Variants in NAALADL2 observed in about 807,000 individuals in gnomAD.
NAALADL2 encodes the protein inactive N-acetylated-alpha-linked acidic dipeptidase-like protein 2.
In NAALADL2, 76 loss-of-function variants were observed where a neutral mutation model predicts 87.2. The ratio of observed to expected loss-of-function variants is 0.87; its 90% CI spans 0.72 to 1.05. The LOEUF (loss-of-function observed/expected upper bound fraction) is 1.05, where lower values mean the gene tolerates loss of function less well. NAALADL2 is among the 50% of genes least tolerant of loss of function. The pLI, the probability that NAALADL2 is intolerant of heterozygous loss-of-function variation, is 0.00. For synonymous variants in NAALADL2, 354 were observed against 331.0 expected, an observed-to-expected ratio of 1.07 and a Z score of -0.75; for missense variants, 1,089 against 945.8, an observed-to-expected ratio of 1.15 and a Z score of -1.99.
At chr3:175,301,372 T>C (rs560429784) in intron 4 of NAALADL2, among the ~76,000 whole-genome samples, 2 of 152,264 alleles carry the variant, frequency 1.3e-5, no homozygotes, top group East Asian at 3.9e-4. Context: ...CATATATACC[T>C]ATGTAACAAA....
intron 2 of NAALADL2, among the ~76,000 whole-genome samples, chr3:174,691,024 G>A (rs539514057): frequency 2.2e-4 from 34 of 152,098 alleles, no homozygotes; most frequent in African/African-American, 6.5e-4. Flanking sequence ...CCTTCCCAAC[G>A]CATATAAAAG....
intron 2 of NAALADL2, among the ~76,000 whole-genome samples, chr3:174,648,120 G>A (rs986821253): frequency 6.6e-6 from 1 of 152,138 alleles, no homozygotes; most frequent in African/African-American, 2.4e-5. Flanking sequence ...TTCAGAGGGA[G>A]AGACCACATT....
At chr3:174,674,299 A>T (rs1022400137) in intron 2 of NAALADL2, among the ~76,000 whole-genome samples, 9 of 152,008 alleles carry the variant, frequency 5.9e-5, no homozygotes, top group Admixed American at 5.3e-4. Context: ...CTCCCTCCAG[A>T]CCCCACCTCC....
intron 1 of NAALADL2, among the ~76,000 whole-genome samples, chr3:175,069,804 C>T (rs1407195258): frequency 6.7e-6 from 1 of 150,362 alleles, no homozygotes; most frequent in Non-Finnish European, 1.5e-5. Flanking sequence ...AAATGTGGCA[C>T]ATATACACCA....
intron 1 of NAALADL2, among the ~76,000 whole-genome samples, chr3:174,911,411 G>C (rs1733687251): frequency 6.6e-6 from 1 of 152,120 alleles, no homozygotes; most frequent in Non-Finnish European, 1.5e-5. Flanking sequence ...AGTAAAAACT[G>C]TATACAGCAT....
intron 1 of NAALADL2, among the ~76,000 whole-genome samples, chr3:174,488,736 C>G (rs1718008508): frequency 6.6e-6 from 1 of 151,894 alleles, no homozygotes; most frequent in Non-Finnish European, 1.5e-5. Context: ...GTTTCACAAC[C>G]TCTATTGGAT....
intron 4 of NAALADL2, among the ~76,000 whole-genome samples, chr3:175,262,112 G>C (rs138796104): frequency 3.3e-5 from 5 of 152,174 alleles, no homozygotes; most frequent in Non-Finnish European, 5.9e-5. Flanking sequence ...TAGAGGTTTA[G>C]TGAGAAAATA....
chr3:175,471,575 A>G (rs1724890223), intron 8 of NAALADL2, 64 bp from the exon 9 acceptor site: 1 of 897,772 alleles, frequency 1.1e-6, no homozygotes, highest in Admixed American at 2.6e-5. Flanking sequence ...TTCAACATCT[A>G]ACTAATAAAG....
chr3:175,524,051 G>A (rs960349885), intron 9 of NAALADL2, among the ~76,000 whole-genome samples: 2 of 152,156 alleles, frequency 1.3e-5, no homozygotes, highest in East Asian at 1.9e-4. Context: ...GCTTTCTCTG[G>A]AAAGTGATTT....
At chr3:175,320,686 T>G (rs984662471) in intron 4 of NAALADL2, among the ~76,000 whole-genome samples, 1 of 152,174 alleles carries the variant, frequency 6.6e-6, no homozygotes, top group Admixed American at 6.5e-5. Flanking sequence ...ACAACAACTC[T>G]CCTTTTAAAA....
intron 2 of NAALADL2, among the ~76,000 whole-genome samples, chr3:174,711,439 A>C (rs763711068): frequency 8.5e-5 from 13 of 152,182 alleles, no homozygotes; most frequent in African/African-American, 1.7e-4. Flanking sequence ...CTTCCCACTT[A>C]CACTTCCACA....
chr3:174,571,407 G>T (rs141543521), intron 2 of NAALADL2, among the ~76,000 whole-genome samples: 4 of 151,586 alleles, frequency 2.6e-5, no homozygotes, highest in African/African-American at 7.3e-5. Flanking sequence ...ACAGAGTTTC[G>T]CTCTTTTTGC....
At chr3:175,278,894 A>G (rs1026096088) in intron 4 of NAALADL2, among the ~76,000 whole-genome samples, 6 of 152,178 alleles carry the variant, frequency 3.9e-5, no homozygotes, top group Non-Finnish European at 5.9e-5. Flanking sequence ...AAACTTATGA[A>G]ATATTTGTCT....
intron 2 of NAALADL2, among the ~76,000 whole-genome samples, chr3:174,636,696 C>T (rs1201645503): frequency 6.6e-6 from 1 of 152,074 alleles, no homozygotes; most frequent in Non-Finnish European, 1.5e-5. Context: ...AACTCTCACA[C>T]ACTGTTGAAG....
chr3:174,942,554 G>A (rs1738772821), intron 1 of NAALADL2, among the ~76,000 whole-genome samples: 1 of 151,962 alleles, frequency 6.6e-6, no homozygotes, highest in African/African-American at 2.4e-5. Flanking sequence ...AGTTTTCTGT[G>A]TTTCCTGAAT....
At chr3:174,686,176 C>G (rs534938426) in intron 2 of NAALADL2, among the ~76,000 whole-genome samples, 1 of 151,898 alleles carries the variant, frequency 6.6e-6, no homozygotes, top group Admixed American at 6.6e-5. Flanking sequence ...TTCCTTTGGG[C>G]GTATACCCTT....
chr3:175,016,276 T>TAA (rs1249593204), intron 1 of NAALADL2, among the ~76,000 whole-genome samples: 1 of 147,968 alleles, frequency 6.8e-6, no homozygotes, highest in East Asian at 2.0e-4. Flanking sequence ...TATATATATA[T>TAA]AAAAAACAAT....
In NAALADL2 at chr3:175,683,398, C is replaced by G. The variant is rs531940424; in HGVS notation, c.1897-53908C>G. Among the ~76,000 whole-genome samples, 15 of 151,932 alleles carry G rather than the reference C, an allele frequency of 9.9e-5. 1 individual carries two copies. The East Asian group carries it at 2.9e-3, about 29-fold the overall frequency. ...GTGAGGTGTAGGACATAGTCATGTT[C>G]TTGGTTCTTTCAAATTAAAACTTGC... On this transcript the variant is annotated intron_variant, in intron 11 of 13. Transcript: ENST00000454872.
At chr3:174,608,145 T>C (rs949213319) in intron 2 of NAALADL2, among the ~76,000 whole-genome samples, 1 of 151,414 alleles carries the variant, frequency 6.6e-6, no homozygotes, top group African/African-American at 2.4e-5. Flanking sequence ...CATACCAGAA[T>C]CTCTGGGACA....
Sources: gnomAD v4.1 joint callset for allele counts (sites outside exome capture counted in the v4.1 genomes callset) on GRCh38, gnomAD v4.1.1 for gene constraint, MANE v1.5 for transcripts, NCBI Gene and HGNC (gene_info 2026-07-23, HGNC 2026-07-21) for gene names.